Variants in NTRK1 observed in about 807,000 individuals in gnomAD.
NTRK1 encodes high affinity nerve growth factor receptor.
NTRK1 carries 62 observed loss-of-function variants against 86.8 expected under a neutral mutation model. That is an observed-to-expected ratio of 0.71 (90% CI 0.58 to 0.88). The LOEUF is 0.88. Among genes scored for constraint, NTRK1 ranks in the 40% least tolerant of loss-of-function variants. The probability of loss-of-function intolerance (pLI) is 0.00; values close to 1 mark genes in which losing one functional copy is unlikely to be tolerated. For synonymous variants in NTRK1, 469 were observed against 456.6 expected, an observed-to-expected ratio of 1.03 and a Z score of -0.35; for missense variants, 967 against 1,078.4, an observed-to-expected ratio of 0.90 and a Z score of 1.45.
chr1:156,839,635 A>G (rs865931530), intron 1 of NTRK1, among the ~76,000 whole-genome samples: 2 of 152,134 alleles, frequency 1.3e-5, no homozygotes. Context: ...GGGTGGGGGC[A>G]TCTGGCATGA....
chr1:156,862,677 T>C (rs1480089873), intron 1 of NTRK1, among the ~76,000 whole-genome samples: 1 of 152,012 alleles, frequency 6.6e-6, no homozygotes, highest in African/African-American at 2.4e-5. Context: ...GACAGATTGA[T>C]TATGAATCCA....
At chr1:156,871,873 C>A in intron 7 of NTRK1, 118 bp downstream of exon 7, 1 of 1,379,376 alleles carries the variant, frequency 7.2e-7, no homozygotes, top group East Asian at 2.4e-5. Flanking sequence ...CAGCTGCTCC[C>A]TCCCAGCTGT....
chr1:156,874,829 GA>G lies in NTRK1; in HGVS notation c.1252-71del, dbSNP rs1473758703. 3 of 1,273,552 alleles carry G rather than the reference GA, an allele frequency of 2.4e-6. No homozygotes were observed. The East Asian group carries it at 6.9e-5, about 29-fold the overall frequency. The allele number at this position is 1,273,552 out of a possible 1,614,324, so 78.9% of individuals were successfully genotyped here. A position where few individuals can be genotyped will look rare whatever the true frequency, so the allele number is the denominator to read the frequency against. ...CTGGCTCCGGGCTCCCATGCAGGAT[GA>G]AAAAATGGCTTACTACAGGAGGCTC... On this transcript the variant is annotated intron_variant, in intron 10 of 16. Coordinates refer to ENST00000524377, the MANE Select transcript of NTRK1 (RefSeq NM_002529.4).
chr1:156,876,114 C>G lies in NTRK1; in HGVS notation c.1536C>G (p.Leu512=), dbSNP rs2102917321. ...VHHIKRRDIV[L]KWELGEGAFG... is the part of the protein sequence containing the mutation. ...ACATCAAGCGCCGGGACATCGTGCT[C>G]AAGTGGGAGCTGGGGGAGGGCGCCT... is the stretch of plus-strand genomic sequence containing the variant. Residue 512 remains leucine, a synonymous_variant, in exon 13 of 17, where the codon CTC becomes CTG. Coordinates refer to ENST00000524377, the MANE Select transcript of NTRK1 (RefSeq NM_002529.4). 1 of 1,614,184 alleles carries G rather than the reference C, an allele frequency of 6.2e-7. No homozygotes were observed. Among genetic ancestry groups the G allele is most frequent in the Non-Finnish European group, 8.5e-7 (1 of 1,180,022 alleles).
At chr1:156,875,038 C>T (rs1647816156) in intron 11 of NTRK1, 30 bp downstream of exon 11, 1 of 1,484,914 alleles carries the variant, frequency 6.7e-7, no homozygotes, top group Admixed American at 1.7e-5. Flanking sequence ...GGCTGTCTGT[C>T]TGTCTGTTCT....
chr1:156,827,137 C>T (rs1311024218), intron 1 of NTRK1, among the ~76,000 whole-genome samples: 1 of 151,952 alleles, frequency 6.6e-6, no homozygotes, highest in Non-Finnish European at 1.5e-5. Flanking sequence ...GGCTGGAGTA[C>T]AGTGGCACAA....
chr1:156,843,366 G>A, intron 2 of NTRK1: 1 of 1,588,496 alleles, frequency 6.3e-7, no homozygotes, highest in Non-Finnish European at 8.6e-7. Context: ...CTGGAAGTCT[G>A]TCTCTGCTCC....
intron 2 of NTRK1, among the ~76,000 whole-genome samples, chr1:156,848,024 G>T (rs1162894784): frequency 2.6e-5 from 4 of 152,150 alleles, no homozygotes; most frequent in Non-Finnish European, 5.9e-5. Context: ...TTAGACATGT[G>T]AATTCTTGGG....
chr1:156,872,407 G>A (rs917943165), intron 7 of NTRK1, among the ~76,000 whole-genome samples: 5 of 151,704 alleles, frequency 3.3e-5, no homozygotes, highest in African/African-American at 4.8e-5. Flanking sequence ...CTTTCCTATC[G>A]GTATCATTTA....
intron 1 of NTRK1, among the ~76,000 whole-genome samples, chr1:156,833,641 A>C (rs1654522639): frequency 6.6e-6 from 1 of 152,224 alleles, no homozygotes; most frequent in Admixed American, 6.5e-5. Flanking sequence ...AAAAATAATA[A>C]CTACCATGAT....
chr1:156,870,301 A>G (rs1647478663), intron 6 of NTRK1, among the ~76,000 whole-genome samples: 1 of 152,190 alleles, frequency 6.6e-6, no homozygotes, highest in Non-Finnish European at 1.5e-5. Flanking sequence ...TAATCCCAGC[A>G]CTTTGGGAGG....
rs762061230 is a variant in NTRK1, at chr1:156,854,187, A to G, written c.51-10167A>G. On this transcript the variant is annotated intron_variant, in intron 2 of 16. Coordinates refer to the NTRK1 transcript ENST00000392302. The surrounding 1 kb of genome is among the most constrained non-coding windows in gnomAD (Gnocchi z 4.2). ...AGGCGAGGGAAGCTGAGGCCGCGGA[A>G]GTCCTCCCCGGTGGCTGTGAACATG... 5.0e-6 allele frequency: 8 copies of G among 1,614,108 alleles called. No homozygotes were observed. The highest frequency in any genetic ancestry group is 6.8e-6 in the Non-Finnish European group (8 of 1,180,022).
rs2102908757 is a variant in NTRK1 at position 156,874,366 on chromosome 1, C to T, written c.1178-17C>T. On this transcript the variant is annotated splice_polypyrimidine_tract_variant and intron_variant, in intron 8 of 16. Coordinates refer to ENST00000524377, the MANE Select transcript of NTRK1 (RefSeq NM_002529.4). Reference sequence around the variant, plus strand: ...TCTCCTCCCTCTGACTGCTTTCTCTCCTCCCTCCTGCTGCAGTCTCCTTCT... The same window carrying T: ...TCTCCTCCCTCTGACTGCTTTCTCTTCTCCCTCCTGCTGCAGTCTCCTTCT... 1 of 1,614,054 alleles carries T rather than the reference C, an allele frequency of 6.2e-7. No individual in the cohort carries two copies. The highest frequency in any genetic ancestry group is 1.1e-5 in the South Asian group (1 of 91,078).
intron 1 of NTRK1, among the ~76,000 whole-genome samples, chr1:156,827,170 A>T (rs1571642784): frequency 1.2e-5 from 1 of 83,874 alleles, no homozygotes; most frequent in South Asian, 4.1e-4. Context: ...GTAGCCTTGA[A>T]CCCCCAGGTG....
chr1:156,820,978 T>C (rs1297974274), intron 1 of NTRK1, among the ~76,000 whole-genome samples: 1 of 152,236 alleles, frequency 6.6e-6, no homozygotes, highest in African/African-American at 2.4e-5. Flanking sequence ...GTTTTCTTTG[T>C]AGAGTTCCTT....
intron 1 of NTRK1, among the ~76,000 whole-genome samples, chr1:156,821,973 G>A (rs896683706): frequency 4.6e-5 from 7 of 152,198 alleles, no homozygotes; most frequent in African/African-American, 1.7e-4. Flanking sequence ...GTGACTCAGA[G>A]AGACAGCCTC....
intron 2 of NTRK1, chr1:156,852,025 C>T: frequency 6.2e-7 from 1 of 1,613,498 alleles, no homozygotes; most frequent in Non-Finnish European, 8.5e-7. Flanking sequence ...AGGACTCATA[C>T]TGGTAGGTGC....
intron 2 of NTRK1, chr1:156,846,709 G>A (rs766897280): frequency 2.5e-6 from 4 of 1,614,126 alleles, no homozygotes; most frequent in East Asian, 2.2e-5. Flanking sequence ...TCCAGCTCTG[G>A]GTTCCACAAG....
At chr1:156,879,963 C>A (rs780318714) in intron 15 of NTRK1, 36 bp from the exon 16 acceptor site, 4 of 1,609,584 alleles carry the variant, frequency 2.5e-6, no homozygotes, top group South Asian at 1.1e-5. Context: ...CTGTCCCAGG[C>A]GCCCCTGGAA....
Sources: allele counts gnomAD v4.1 joint callset (sites outside exome capture counted in the v4.1 genomes callset), GRCh38; gene constraint gnomAD v4.1.1; non-coding constraint Gnocchi (gnomAD v3.1); transcripts MANE v1.5; gene names NCBI Gene and HGNC (gene_info 2026-07-23, HGNC 2026-07-21).